NEDD9: variants seen among roughly 807,000 people sequenced by gnomAD.
The protein encoded by NEDD9 is enhancer of filamentation 1.
In NEDD9, 26 loss-of-function variants were observed where a neutral mutation model predicts 76.6. The ratio of observed to expected loss-of-function variants is 0.34; its 90% confidence interval spans 0.25 to 0.47. NEDD9 has a LOEUF of 0.47. Ranked by LOEUF, NEDD9 falls within the 20% of genes least tolerant of loss-of-function variation. The probability of loss-of-function intolerance (pLI) is 1.00; values close to 1 mark genes in which losing one functional copy is unlikely to be tolerated. For missense variants in NEDD9, 937 were observed against 1,058.5 expected, an observed-to-expected ratio of 0.89 and a Z score of 1.59; for synonymous variants, 392 against 414.2, an observed-to-expected ratio of 0.95 and a Z score of 0.65.
At chr6:11,380,002 G>A (rs1763033612) in intron 1 of NEDD9, among the ~76,000 whole-genome samples, 1 of 152,200 alleles carries the variant, frequency 6.6e-6, no homozygotes, top group Admixed American at 6.5e-5. Context: ...ACGCATCTTC[G>A]TGCTGTGCGG....
chr6:11,340,281 G>A (rs989656531), intron 1 of NEDD9, among the ~76,000 whole-genome samples: 3 of 152,144 alleles, frequency 2.0e-5, no homozygotes, highest in Non-Finnish European at 4.4e-5. Flanking sequence ...AATCAGAATT[G>A]AGTGTGGTAC....
At position 11,370,828 on chromosome 6, in the gene NEDD9, C is replaced by A. The variant is rs1762861368; in HGVS notation, c.-214+11311G>T. 6.6e-6 allele frequency among the ~76,000 whole-genome samples: 1 copy of A among 152,196 alleles called. No individual in the cohort carries two copies. The highest frequency in any genetic ancestry group is 2.1e-4 in the South Asian group (1 of 4,828). ...TTCAGAGGCAGAAACAGACCATAAG[C>A]CAGTACGTCAGTCTGCACGGCGTCG... On this transcript the variant is annotated intron_variant, in intron 1 of 3. Transcript: ENST00000397378. This position sits in a 1 kb window ranked among gnomAD's most constrained non-coding sequence, Gnocchi z 4.2.
intron 1 of NEDD9, among the ~76,000 whole-genome samples, chr6:11,381,809 A>G (rs1027285534): frequency 1.3e-5 from 2 of 152,344 alleles, no homozygotes; most frequent in Non-Finnish European, 2.9e-5. Flanking sequence ...GAAAAATAAA[A>G]GCTTAGTTGC....
rs1191700428 is a variant in NEDD9 at position 11,319,638 on chromosome 6, T to C, written c.-152-13483A>G. Reference sequence around the variant, plus strand: ...ACACTCACACACACACACACTAACATGCACACTCACACATGCCACACACTA... The same window carrying C: ...ACACTCACACACACACACACTAACACGCACACTCACACATGCCACACACTA... On this transcript the variant is annotated intron_variant, in intron 2 of 3. Coordinates refer to the NEDD9 transcript ENST00000397378. Among the ~76,000 whole-genome samples the C allele has an allele frequency of 2.2e-5, 3 of 135,474 alleles. No individual in the cohort carries two copies. In the East Asian group the frequency reaches 6.3e-4, roughly 29 times the overall value. The allele number at this position is 135,474 out of a possible 152,430, so 88.9% of individuals were successfully genotyped here. A position where few individuals can be genotyped will look rare whatever the true frequency, so the allele number is the denominator to read the frequency against.
At chr6:11,192,894 C>G (rs1038287936) in intron 3 of NEDD9, among the ~76,000 whole-genome samples, 1 of 123,400 alleles carries the variant, frequency 8.1e-6, no homozygotes, top group African/African-American at 3.2e-5. Flanking sequence ...GATCGTGCCA[C>G]TGCACTCCCA....
chr6:11,261,405 T>G (rs1760111565), intron 3 of NEDD9, among the ~76,000 whole-genome samples: 1 of 152,218 alleles, frequency 6.6e-6, no homozygotes, highest in South Asian at 2.1e-4. Flanking sequence ...TAGTGTATGT[T>G]AAAATCAGTC....
In NEDD9 at chr6:11,190,507, C is replaced by G; in HGVS notation, c.1362G>C (p.Lys454Asn). 5 of 1,614,190 alleles carry G rather than the reference C, an allele frequency of 3.1e-6. No homozygotes were observed. The highest frequency in any genetic ancestry group is 4.2e-6 in the Non-Finnish European group (5 of 1,180,044). Reference protein sequence around the residue: ...HINEIRTAVDKVELFLKEYLH... With the variant: ...HINEIRTAVDNVELFLKEYLH... ...GGTACTCCTTCAGGAACAGCTCCAC[C>G]TTGTCCACTGCTGTGCGTATTTCAT... The change falls in exon 5 of 7, where the codon AAG (lysine) becomes AAC (asparagine). Residue 454 changes from lysine (K) to asparagine (N), a missense_variant. Physicochemically the swap from Lys to Asn is moderately conservative, Grantham distance 94. Coordinates refer to ENST00000379446, the MANE Select transcript of NEDD9 (RefSeq NM_006403.4). The surrounding 1 kb of genome is among the most constrained non-coding windows in gnomAD (Gnocchi z 5.8).
chr6:11,304,603 A>T (rs374689312), intron 3 of NEDD9, among the ~76,000 whole-genome samples: 1 of 152,386 alleles, frequency 6.6e-6, no homozygotes, highest in South Asian at 2.1e-4. Flanking sequence ...TGGCACATAT[A>T]CACCATGGAA....
At chr6:11,210,746 G>A (rs1189116646) in intron 2 of NEDD9, among the ~76,000 whole-genome samples, 1 of 141,270 alleles carries the variant, frequency 7.1e-6, no homozygotes, top group African/African-American at 2.7e-5. Flanking sequence ...GGAGGGAGAG[G>A]GAAGGAGGGA....
At chr6:11,235,119 A>G (rs1469789832), upstream of NEDD9, among the ~76,000 whole-genome samples, 1 of 152,184 alleles carries the variant, frequency 6.6e-6, no homozygotes, top group Non-Finnish European at 1.5e-5. This position sits in a 1 kb window ranked among gnomAD's most constrained non-coding sequence, Gnocchi z 4.1. Context: ...AGAATTTAAT[A>G]GTACTTGTTA....
chr6:11,374,975 C>G (rs1018874904), intron 1 of NEDD9, among the ~76,000 whole-genome samples: 2 of 152,146 alleles, frequency 1.3e-5, no homozygotes, highest in African/African-American at 4.8e-5. Flanking sequence ...ATTTAAGACC[C>G]CTTCCCTCCT....
At chr6:11,262,190 A>T (rs1227644783) in intron 3 of NEDD9, among the ~76,000 whole-genome samples, 1 of 152,164 alleles carries the variant, frequency 6.6e-6, no homozygotes, top group Non-Finnish European at 1.5e-5. Context: ...CTGAGAGTTG[A>T]TGGTACAAAA....
chr6:11,292,003 C>A (rs1005189988), intron 3 of NEDD9, among the ~76,000 whole-genome samples: 7 of 152,052 alleles, frequency 4.6e-5, no homozygotes, highest in Admixed American at 3.3e-4. Context: ...GAATCTTTTT[C>A]ATCATGTAAT....
intron 3 of NEDD9, among the ~76,000 whole-genome samples, chr6:11,263,028 A>G (rs2113327489): frequency 6.6e-6 from 1 of 152,360 alleles, no homozygotes; most frequent in East Asian, 1.9e-4. Context: ...AAGGAAATGA[A>G]CAATATGACC....
In NEDD9 at chr6:11,200,703, G is replaced by T. The variant is rs947635862; in HGVS notation, c.460-7011C>A. ...CAAAATGAGATCTACGAGGCAGTGAGAATTTCAAACCAAAGCAGCAAATGG... is the reference window on the plus strand; with the variant it reads ...CAAAATGAGATCTACGAGGCAGTGATAATTTCAAACCAAAGCAGCAAATGG... On this transcript the variant is annotated intron_variant, in intron 2 of 6. Coordinates refer to ENST00000379446, the MANE Select transcript of NEDD9 (RefSeq NM_006403.4). 8 of 1,302,320 alleles carry T rather than the reference G, an allele frequency of 6.1e-6. No individual in the cohort carries two copies. In the African/African-American group the frequency reaches 1.2e-4, roughly 19 times the overall value. 80.7% of individuals were successfully genotyped at this position (1,302,320 alleles called of 1,614,324 possible). A position where few individuals can be genotyped will look rare whatever the true frequency, so the allele number is the denominator to read the frequency against.
intron 1 of NEDD9, among the ~76,000 whole-genome samples, chr6:11,364,327 T>C (rs1166641184): frequency 6.6e-6 from 1 of 152,188 alleles, no homozygotes; most frequent in Non-Finnish European, 1.5e-5. Context: ...TTCTGTTGCT[T>C]TCCCCTTTGC....
intron 1 of NEDD9, among the ~76,000 whole-genome samples, chr6:11,218,345 CTTT>C (rs35407775): frequency 7.1e-6 from 1 of 141,060 alleles, no homozygotes; most frequent in African/African-American, 2.6e-5. Flanking sequence ...TCTTCAGCAA[CTTT>C]TTTTTTTTTT....
At chr6:11,268,632 G>T (rs1356682998) in intron 3 of NEDD9, among the ~76,000 whole-genome samples, 1 of 151,960 alleles carries the variant, frequency 6.6e-6, no homozygotes, top group African/African-American at 2.4e-5. Context: ...GGAGGCTGAG[G>T]CAGGAGAATC....
chr6:11,229,543 A>G (rs913818672), intron 1 of NEDD9, among the ~76,000 whole-genome samples: 2 of 151,972 alleles, frequency 1.3e-5, no homozygotes, highest in Admixed American at 1.3e-4. Context: ...TTCACTGGGT[A>G]AGCAAACCAA....
Sources: gnomAD v4.1 joint callset for allele counts (sites outside exome capture counted in the v4.1 genomes callset) on GRCh38, gnomAD v4.1.1 for gene constraint, Gnocchi (gnomAD v3.1) non-coding constraint, MANE v1.5 for transcripts, NCBI Gene and HGNC (gene_info 2026-07-23, HGNC 2026-07-21) for gene names.